The following STIP1 variants were observed in gnomAD, a reference collection of about 807,000 sequenced individuals.
STIP1 encodes the protein stress induced phosphoprotein 1.
A neutral mutation model predicts 77.4 loss-of-function variants in STIP1; 16 were observed. That is an observed-to-expected ratio of 0.21 (90% CI 0.14 to 0.31). The LOEUF is 0.31. Among genes scored for constraint, STIP1 ranks in the 10% least tolerant of loss-of-function variants. STIP1 has a pLI of 1.00. For synonymous variants in STIP1, 258 were observed against 246.6 expected (o/e 1.05, Z -0.44); for missense variants, 524 against 684.8 (o/e 0.77, Z 2.62).
At chr11:64,204,029 C>T (rs1228868478) in intron 13 of STIP1, 25 bp from the exon 14 acceptor site, 1 of 1,611,700 alleles carries the variant, frequency 6.2e-7, no homozygotes, top group Non-Finnish European at 8.5e-7. Flanking sequence ...TGTCTCATTT[C>T]AAGTAACTGC....
chr11:64,196,039 T>C (rs1946146743), intron 5 of STIP1, among the ~76,000 whole-genome samples: 1 of 152,146 alleles, frequency 6.6e-6, no homozygotes, highest in Non-Finnish European at 1.5e-5. Flanking sequence ...TAAAACTATT[T>C]TGAGTGCTTT....
intron 5 of STIP1, chr11:64,197,069 C>A: frequency 1.5e-6 from 1 of 659,024 alleles, no homozygotes; most frequent in Non-Finnish European, 2.5e-6. Context: ...GGGGGAGTTT[C>A]AGAGCAAGCA....
rs35484605 is a variant in STIP1 at position 64,200,590 on chromosome 11, CGTGTGTGTGTGTGT to C, written c.1245+322_1245+335del. On this transcript the variant is annotated intron_variant, in intron 10 of 13. Transcript: ENST00000305218. The stretch of plus-strand genomic sequence containing the variant: ...AATATGGGACCTGTATCTAACTGGT[CGTGTGTGTGTGTGT>C]GTGTGTGTGTGTGTGTGTGTGTGTA... 1.8e-3 allele frequency among the ~76,000 whole-genome samples: 260 copies of C among 141,276 alleles called. 4 individuals carry two copies. Among genetic ancestry groups the C allele is most frequent in the South Asian group, 3.1e-3 (13 of 4,186 alleles). The allele number at this position is 141,276 out of a possible 152,430, so 92.7% of individuals were successfully genotyped here. A position where few individuals can be genotyped will look rare whatever the true frequency, so the allele number is the denominator to read the frequency against.
chr11:64,201,499 C>T (rs944732838), intron 10 of STIP1, among the ~76,000 whole-genome samples: 2 of 152,218 alleles, frequency 1.3e-5, no homozygotes, highest in Non-Finnish European at 2.9e-5. Flanking sequence ...ATAATCCTCT[C>T]GAATCTCAGC....
chr11:64,185,704 A>G (rs1211461603), upstream of STIP1: 9 of 1,369,430 alleles, frequency 6.6e-6, no homozygotes, highest in East Asian at 5.0e-5. Flanking sequence ...CGGTACTCCC[A>G]TATATCAGGG....
chr11:64,201,446 T>A (rs373770897), intron 10 of STIP1, among the ~76,000 whole-genome samples: 5 of 152,354 alleles, frequency 3.3e-5, no homozygotes, highest in African/African-American at 1.2e-4. Flanking sequence ...CTCAGTCATA[T>A]CAAGTTAGGT....
chr11:64,187,168 C>A (rs1408779231), intron 1 of STIP1, among the ~76,000 whole-genome samples: 1 of 152,080 alleles, frequency 6.6e-6, no homozygotes, highest in African/African-American at 2.4e-5. Context: ...TTGCTGCTTC[C>A]TTTCAGTGAC....
chr11:64,203,257 C>T lies in STIP1; in HGVS notation c.1386+29C>T, dbSNP rs1414884643. On this transcript the variant is annotated intron_variant, in intron 12 of 13. Coordinates refer to ENST00000305218, the MANE Select transcript of STIP1 (RefSeq NM_006819.3). ...GGGCTGCTTCTGGCCTCCAGGGGCC[C>T]CCCCTGCCTCTTTCTCTGTTGGGGC... 5 of 1,610,260 alleles carry T rather than the reference C, an allele frequency of 3.1e-6. No individual in the cohort carries two copies. The African/African-American group carries it at 6.7e-5, about 21-fold the overall frequency.
At chr11:64,200,940 T>C (rs1311702533) in intron 10 of STIP1, among the ~76,000 whole-genome samples, 1 of 151,060 alleles carries the variant, frequency 6.6e-6, no homozygotes, top group Non-Finnish European at 1.5e-5. Context: ...TTGGCCAGGC[T>C]GGCCTTGAAT....
At chr11:64,203,652 G>A in intron 13 of STIP1, 30 bp downstream of exon 13, 13 of 1,613,894 alleles carry the variant, frequency 8.1e-6, no homozygotes, top group Non-Finnish European at 1.1e-5. Flanking sequence ...CGGCCTTGCT[G>A]GAAATGGAGA....
At chr11:64,191,474 C>T (rs985672489) in intron 1 of STIP1, among the ~76,000 whole-genome samples, 6 of 146,338 alleles carry the variant, frequency 4.1e-5, no homozygotes, top group Non-Finnish European at 9.1e-5. Flanking sequence ...GGCGTGGTGG[C>T]GGGTGACTGT....
chr11:64,201,767 G>A (rs1386647765), intron 10 of STIP1, among the ~76,000 whole-genome samples: 1 of 152,212 alleles, frequency 6.6e-6, no homozygotes, highest in Non-Finnish European at 1.5e-5. Flanking sequence ...TCAATCACCT[G>A]GGAGGTGGGC....
At chr11:64,197,784 G>A in intron 7 of STIP1, 70 bp from the exon 8 acceptor site, 1 of 1,584,354 alleles carries the variant, frequency 6.3e-7, no homozygotes, top group African/African-American at 1.4e-5. Flanking sequence ...CTAGCTGCAG[G>A]TGTGTTTTTC....
chr11:64,186,311 G>T, intron 1 of STIP1, 41 bp downstream of exon 1: 2 of 1,518,130 alleles, frequency 1.3e-6, no homozygotes, highest in South Asian at 1.2e-5. Context: ...AGCCTGCTCG[G>T]GGACCGGCGG....
intron 5 of STIP1, 191 bp from the exon 6 acceptor site, chr11:64,197,080 A>G: frequency 1.4e-6 from 1 of 704,936 alleles, no homozygotes; most frequent in South Asian, 2.0e-5. Context: ...AGAGCAAGCA[A>G]AGATGAAGTT....
At chr11:64,185,974 G>C (rs752779972), upstream of STIP1, 1 of 1,539,824 alleles carries the variant, frequency 6.5e-7, no homozygotes, top group African/African-American at 1.4e-5. Context: ...GCCTGAGATG[G>C]GTGGGTTTAT....
At chr11:64,186,333 C>CCCGG in intron 1 of STIP1, 63 bp downstream of exon 1, 1 of 47,864 alleles carries the variant, frequency 2.1e-5, no homozygotes, top group Non-Finnish European at 3.6e-5. Context: ...GGCCAGGCCG[C>CCCGG]GGTAGGGGGG....
intron 10 of STIP1, among the ~76,000 whole-genome samples, chr11:64,200,590 C>G (rs899194892): frequency 3.5e-5 from 5 of 141,208 alleles, no homozygotes; most frequent in African/African-American, 1.3e-4. Flanking sequence ...TCTAACTGGT[C>G]GTGTGTGTGT....
At chr11:64,200,598 T>C (rs1946207961) in intron 10 of STIP1, among the ~76,000 whole-genome samples, 1 of 106,564 alleles carries the variant, frequency 9.4e-6, no homozygotes, top group Admixed American at 8.5e-5. Context: ...GTCGTGTGTG[T>C]GTGTGTGTGT....
Sources: allele counts gnomAD v4.1 joint callset (sites outside exome capture counted in the v4.1 genomes callset), GRCh38; gene constraint gnomAD v4.1.1; transcripts MANE v1.5; gene names NCBI Gene and HGNC (gene_info 2026-07-23, HGNC 2026-07-21).